CTSS: variants seen among roughly 807,000 people sequenced by gnomAD.
The protein encoded by CTSS is cathepsin S.
Under a neutral mutation model 39.9 loss-of-function variants are expected in CTSS, and 15 were observed. The ratio of observed to expected loss-of-function variants is 0.38; its 90% confidence interval spans 0.25 to 0.58. The LOEUF is 0.58. CTSS is among the 20% of genes least tolerant of loss of function. The pLI is 0.70. For synonymous variants in CTSS, 126 were observed against 138.2 expected (o/e 0.91, Z 0.62); for missense variants, 250 against 398.2 (o/e 0.63, Z 3.17).
chr1:150,740,477 G>A (rs780192021), intron 7 of CTSS, among the ~76,000 whole-genome samples: 17 of 151,736 alleles, frequency 1.1e-4, no homozygotes, highest in Non-Finnish European at 2.1e-4. Context: ...TGCAAGCTCC[G>A]CCTCCCAGGT....
intron 2 of CTSS, among the ~76,000 whole-genome samples, chr1:150,761,560 C>T (rs1280176177): frequency 2.0e-5 from 3 of 151,388 alleles, no homozygotes; most frequent in Non-Finnish European, 2.9e-5. Flanking sequence ...GGAAAAACCC[C>T]GACTCTACTA....
chr1:150,744,915 T>A (rs1044011071), intron 7 of CTSS, among the ~76,000 whole-genome samples: 2 of 151,872 alleles, frequency 1.3e-5, no homozygotes, highest in Non-Finnish European at 2.9e-5. Context: ...CAAGAGCAAC[T>A]TCAGTAGAGA....
Position 150,747,835 on chromosome 1 carries a change from C to T in CTSS, c.838G>A (p.Val280Ile). Residue 280 changes from valine to isoleucine, a missense_variant, in exon 7 of 8, where the codon GTA becomes ATA. By Grantham distance (29) the Val-to-Ile change is conservative. Transcript: ENST00000368985. The part of the protein sequence containing the change: ...PSCTQNVNHG[V>I]LVVGYGDLNG... ...AGATCACCATAGCCAACCACAAGTA[C>T]ACCATGATTCACATTCTGAGTACAG... 2 of 1,613,844 alleles carry T rather than the reference C, an allele frequency of 1.2e-6. No individual in the cohort carries two copies. The highest frequency in any genetic ancestry group is 1.7e-6 in the Non-Finnish European group (2 of 1,179,852).
At chr1:150,754,710 G>C (rs916073572) in intron 4 of CTSS, among the ~76,000 whole-genome samples, 2 of 152,162 alleles carry the variant, frequency 1.3e-5, no homozygotes, top group African/African-American at 4.8e-5. Flanking sequence ...TTATAGGCGT[G>C]AGTGCCTGGC....
rs183892995 is a variant in CTSS, at chr1:150,751,175, G to A, written c.627+606C>T. Reference sequence around the variant, plus strand: ...AAGAATGATGTGGTTAATGATCTGAGAATAAGGTTGAGCATGGGAGGCTGC... The same window carrying A: ...AAGAATGATGTGGTTAATGATCTGAAAATAAGGTTGAGCATGGGAGGCTGC... On this transcript the variant is annotated intron_variant, in intron 5 of 7. Transcript: ENST00000368985. Among the ~76,000 whole-genome samples, 40 of 152,252 alleles carry A rather than the reference G, an allele frequency of 2.6e-4. No homozygotes were observed. The East Asian group carries it at 6.2e-3, about 23-fold the overall frequency.
At position 150,747,670 on chromosome 1, in the gene CTSS, A is replaced by G. The variant is rs1652917035; in HGVS notation, c.896+107T>C. The G allele has an allele frequency of 3.7e-5, 28 of 748,086 alleles. No homozygotes were observed. The South Asian group carries it at 4.2e-4, about 11-fold the overall frequency. The allele number at this position is 748,086 out of a possible 1,614,324, so 46.3% of individuals were successfully genotyped here. ...TTTGTAAGAAGCTATAAAGTTCATC[A>G]TTGTCAATATCGTGATCATAATGAT... On this transcript the variant is annotated intron_variant, in intron 7 of 7. Coordinates refer to ENST00000368985, the MANE Select transcript of CTSS (RefSeq NM_004079.5).
At position 150,754,128 on chromosome 1, in the gene CTSS, T is replaced by C. The variant is rs992359940; in HGVS notation, c.399+873A>G. 1.3e-4 allele frequency among the ~76,000 whole-genome samples: 20 copies of C among 151,180 alleles called. No homozygotes were observed. In the East Asian group the frequency reaches 3.9e-3, roughly 29 times the overall value. ...CCTATACACTTTTTTTTTTTTTTTTTTTTAAGACAGGGTCTCACTCTATCG... is the reference window on the plus strand; with the variant it reads ...CCTATACACTTTTTTTTTTTTTTTTCTTTAAGACAGGGTCTCACTCTATCG... On this transcript the variant is annotated intron_variant, in intron 4 of 7. Coordinates refer to ENST00000368985, the MANE Select transcript of CTSS (RefSeq NM_004079.5).
At chr1:150,747,917 C>A (rs1197053033) in intron 6 of CTSS, 38 bp from the exon 7 acceptor site, 2 of 1,325,034 alleles carry the variant, frequency 1.5e-6, no homozygotes, top group African/African-American at 2.9e-5. Context: ...AGAGTGAATA[C>A]TATAGGATAA....
intron 7 of CTSS, among the ~76,000 whole-genome samples, chr1:150,741,884 A>AAAG (rs1652769214): frequency 6.8e-6 from 1 of 147,898 alleles, no homozygotes; most frequent in Admixed American, 6.9e-5. Flanking sequence ...CAAAAAAAAA[A>AAAG]GGGGGGGGGA....
intron 6 of CTSS, among the ~76,000 whole-genome samples, chr1:150,749,083 CAAT>C (rs1344716657): frequency 6.6e-6 from 1 of 152,158 alleles, no homozygotes; most frequent in East Asian, 1.9e-4. Context: ...CCCTGAGACA[CAAT>C]GATATTGAAA....
chr1:150,733,154 A>T lies in CTSS; in HGVS notation c.897-9T>A. 1 of 1,593,304 alleles carries T rather than the reference A, an allele frequency of 6.3e-7. No individual in the cohort carries two copies. The highest frequency in any genetic ancestry group is 8.6e-7 in the Non-Finnish European group (1 of 1,164,524). ...CAAAGTTGTGGCCCCAGCTTTAGAA[A>T]AAGAAATAATACAAAATTACAAATG... On this transcript the variant is annotated splice_polypyrimidine_tract_variant and intron_variant, in intron 7 of 7. Coordinates refer to ENST00000368985, the MANE Select transcript of CTSS (RefSeq NM_004079.5).
chr1:150,755,050 T>C lies in CTSS; in HGVS notation c.350A>G (p.Asp117Gly). Residue 117 changes from aspartate (D) to glycine (G), a missense_variant, in exon 4 of 8, where the codon GAT becomes GGT. Coordinates refer to ENST00000368985, the MANE Select transcript of CTSS (RefSeq NM_004079.5). ...CCCTTTCTCTCTCCAGTCCACAGAA[T>C]CAGGCAATATCCGATTAGGGTTTGA... ...YKSNPNRILP[D>G]SVDWREKGCV... 1 of 1,614,132 alleles carries C rather than the reference T, an allele frequency of 6.2e-7. No homozygotes were observed. The highest frequency in any genetic ancestry group is 8.5e-7 in the Non-Finnish European group (1 of 1,180,018).
intron 7 of CTSS, among the ~76,000 whole-genome samples, chr1:150,743,078 G>A (rs1652801369): frequency 6.6e-6 from 1 of 152,116 alleles, no homozygotes; most frequent in South Asian, 2.1e-4. Context: ...GAAACTGAAG[G>A]AGCAGGTGAG....
Position 150,732,960 on chromosome 1 carries a change from A to G in CTSS, c.*86T>C, listed in dbSNP as rs1226286355. On this transcript the variant is annotated 3_prime_UTR_variant, in exon 8 of 8. Transcript: ENST00000368985. Reference sequence around the variant, plus strand: ...GTAAATACACATTAATCATGACACAATTATTTCTTCTGGATACAGCAGGAA... The same window carrying G: ...GTAAATACACATTAATCATGACACAGTTATTTCTTCTGGATACAGCAGGAA... 2.2e-5 allele frequency: 21 copies of G among 961,600 alleles called. No individual in the cohort carries two copies. The highest frequency in any genetic ancestry group is 1.1e-4 in the Admixed American group (5 of 45,278). 59.6% of individuals were successfully genotyped at this position (961,600 alleles called of 1,614,324 possible). A position where few individuals can be genotyped will look rare whatever the true frequency, so the allele number is the denominator to read the frequency against.
At chr1:150,752,075 A>C (rs1653019740) in intron 4 of CTSS, 67 bp from the exon 5 acceptor site, 1 of 1,499,646 alleles carries the variant, frequency 6.7e-7, no homozygotes, top group Non-Finnish European at 9.2e-7. Flanking sequence ...CCATAACCCA[A>C]ACTGGACAAC....
chr1:150,760,856 G>A (rs1653239965), intron 2 of CTSS, among the ~76,000 whole-genome samples: 1 of 151,492 alleles, frequency 6.6e-6, no homozygotes, highest in African/African-American at 2.4e-5. Context: ...ACTCCAACCT[G>A]GGTGACAGAG....
At chr1:150,749,886 C>A in intron 6 of CTSS, 120 bp downstream of exon 6, 2 of 793,588 alleles carry the variant, frequency 2.5e-6, no homozygotes, top group African/African-American at 1.7e-5. Context: ...AACTCCCAGG[C>A]TCAAGCAATC....
At chr1:150,759,887 T>A (rs1271683950) in intron 2 of CTSS, among the ~76,000 whole-genome samples, 1 of 152,136 alleles carries the variant, frequency 6.6e-6, no homozygotes, top group Non-Finnish European at 1.5e-5. Context: ...CAAGTCTGGA[T>A]GCAGGTTTCT....
chr1:150,749,262 A>T (rs2101918515), intron 6 of CTSS, among the ~76,000 whole-genome samples: 1 of 152,340 alleles, frequency 6.6e-6, no homozygotes, highest in South Asian at 2.1e-4. Context: ...TGTACCGAAC[A>T]GTCAGGCATG....
Sources: allele counts gnomAD v4.1 joint callset (sites outside exome capture counted in the v4.1 genomes callset), GRCh38; gene constraint gnomAD v4.1.1; transcripts MANE v1.5; gene names NCBI Gene and HGNC (gene_info 2026-07-23, HGNC 2026-07-21).